Variants in KIF25 observed in about 807,000 individuals in gnomAD.
KIF25 encodes kinesin family member 25, also known as kinesin-like protein KIF25.
A neutral mutation model predicts 32.9 loss-of-function variants in KIF25; 19 were observed. The observed-to-expected ratio is 0.58, with a 90% CI of 0.40 to 0.85. The LOEUF is 0.85. KIF25 is among the 40% of genes least tolerant of loss of function. The pLI, the probability that KIF25 is intolerant of heterozygous loss-of-function variation, is 0.00. For synonymous variants in KIF25, 225 were observed against 213.7 expected (o/e 1.05, Z -0.46); for missense variants, 485 against 507.0 (o/e 0.96, Z 0.42).
chr6:168,025,170 A>C (rs918341340), intron 5 of KIF25, among the ~76,000 whole-genome samples: 2 of 152,356 alleles, frequency 1.3e-5, no homozygotes, highest in Admixed American at 6.5e-5. Flanking sequence ...TGGGACAGGC[A>C]TCCCAACAAA....
Position 168,033,894 on chromosome 6 carries a change from T to A in KIF25, c.180T>A (p.Cys60Ter), listed in dbSNP as rs1798976473. The change falls in exon 8 of 13, where the codon TGT (cysteine) becomes TGA (stop). Residue 60 changes from cysteine to a stop codon, truncating the protein, a stop_gained. Coordinates refer to ENST00000643607, the MANE Select transcript of KIF25 (RefSeq NM_030615.4). LOFTEE classifies it high-confidence loss of function. ...CTCTGAATTTTAGGTACAATGTTTG[T>A]GTTATGGCGTATGGACAGACGGGCA... ...LTSLLDGYNV[C>*]VMAYGQTGSG... is the part of the protein sequence containing the mutation. 1 of 1,613,966 alleles carries A rather than the reference T, an allele frequency of 6.2e-7. No homozygotes were observed. Among genetic ancestry groups the A allele is most frequent in the Non-Finnish European group, 8.5e-7 (1 of 1,179,828 alleles).
At position 168,042,671 on chromosome 6, in the gene KIF25, C is replaced by G; in HGVS notation, c.940C>G (p.Pro314Ala). ...TTTGTTGGAGCACCGTGGCCATGCC[C>G]CGTACCGGAACAGCAGGCTCACCCA... Reference protein sequence around the residue: ...GALLEHRGHAPYRNSRLTHLL... With the variant: ...GALLEHRGHAAYRNSRLTHLL... Residue 314 changes from proline (P) to alanine (A), a missense_variant, in exon 12 of 13, where the codon CCG becomes GCG. Physicochemically the swap from Pro to Ala is conservative, Grantham distance 27 (BLOSUM62 -1). This residue lies in a region of KIF25 where 480 missense variants were observed against 470.3 expected (regional missense o/e 1.02). Transcript: ENST00000643607. The G allele has an allele frequency of 6.2e-7, 1 of 1,613,468 alleles. No individual in the cohort carries two copies. The highest frequency in any genetic ancestry group is 8.5e-7 in the Non-Finnish European group (1 of 1,180,010).
At position 168,033,946 on chromosome 6, in the gene KIF25, C is replaced by T. The variant is rs1367288232; in HGVS notation, c.232C>T (p.Arg78Cys). ...GSGKSYTMLG[R>C]HSDDGPVLPL... ...CGGAAAGAGCTATACCATGCTGGGA[C>T]GCCATTCGGACGACGGCCCTGTTCT... The change falls in exon 8 of 13, where the codon CGC (arginine) becomes TGC (cysteine). Residue 78 changes from arginine to cysteine, a missense_variant. Arg to Cys is a radical substitution (Grantham distance 180). Around this residue, in one of 2 missense-constraint regions of KIF25, gnomAD observed 480 missense variants for 470.3 expected, o/e 1.02. Coordinates refer to ENST00000643607, the MANE Select transcript of KIF25 (RefSeq NM_030615.4). The T allele has an allele frequency of 9.9e-6, 16 of 1,614,130 alleles. No individual in the cohort carries two copies. The highest frequency in any genetic ancestry group is 6.7e-5 in the East Asian group (3 of 44,882).
chr6:168,027,623 G>T (rs1459390487), intron 5 of KIF25, among the ~76,000 whole-genome samples: 1 of 152,142 alleles, frequency 6.6e-6, no homozygotes, highest in Non-Finnish European at 1.5e-5. Context: ...GGTGCTGGGG[G>T]TGCCAGGTCC....
At chr6:168,028,613 C>T (rs78153199) in intron 5 of KIF25, among the ~76,000 whole-genome samples, 2,609 of 152,162 alleles carry the variant, frequency 0.017, 58 homozygotes, top group East Asian at 0.078. Context: ...AACTTTGGAG[C>T]TCCAGGAAAA....
At chr6:168,003,255 T>TA (rs1798531342) in intron 3 of KIF25, among the ~76,000 whole-genome samples, 1 of 150,080 alleles carries the variant, frequency 6.7e-6, no homozygotes, top group African/African-American at 2.5e-5. Flanking sequence ...GGTATTGGAG[T>TA]AAAAAAATCA....
At position 168,042,689 on chromosome 6, in the gene KIF25, C is replaced by A; in HGVS notation, c.958C>A (p.Leu320Ile). ...RGHAPYRNSRLTHLLQDCLGG... is the reference protein window; with the variant it reads ...RGHAPYRNSRITHLLQDCLGG... ...CCATGCCCCGTACCGGAACAGCAGG[C>A]TCACCCACCTCCTTCAGGACTGCCT... Residue 320 changes from leucine to isoleucine, a missense_variant, in exon 12 of 13, where the codon CTC (leucine) becomes ATC (isoleucine). Around this residue, in one of 2 missense-constraint regions of KIF25, gnomAD observed 480 missense variants for 470.3 expected, o/e 1.02. Transcript: ENST00000643607. 1 of 1,612,770 alleles carries A rather than the reference C, an allele frequency of 6.2e-7. No individual in the cohort carries two copies.
At chr6:168,044,352 G>A (rs1248453531) in intron 12 of KIF25, among the ~76,000 whole-genome samples, 1 of 105,692 alleles carries the variant, frequency 9.5e-6, no homozygotes, top group Admixed American at 9.3e-5. Context: ...GCTAGTGACC[G>A]GCTGCTGACC....
intron 9 of KIF25, among the ~76,000 whole-genome samples, chr6:168,039,464 TC>T (rs754629678): frequency 1.3e-5 from 2 of 152,156 alleles, no homozygotes; most frequent in Admixed American, 6.5e-5. Flanking sequence ...GAAGGAACCC[TC>T]CCCATGAGTG....
chr6:168,017,052 C>G (rs1583131211), intron 4 of KIF25, among the ~76,000 whole-genome samples: 1 of 152,264 alleles, frequency 6.6e-6, no homozygotes, highest in Non-Finnish European at 1.5e-5. Flanking sequence ...AATCCAGAGG[C>G]AGCAATAGTC....
chr6:168,015,091 A>C, intron 4 of KIF25, among the ~76,000 whole-genome samples: 1 of 152,202 alleles, frequency 6.6e-6, no homozygotes, highest in East Asian at 1.9e-4. Flanking sequence ...TCCTTAATAC[A>C]TTACTTGTTC....
In KIF25 at chr6:168,018,385, A is replaced by G. The variant is rs116709944; in HGVS notation, c.-95+345A>G. Among the ~76,000 whole-genome samples the G allele has an allele frequency of 9.9e-3, 1,508 of 152,286 alleles. 31 individuals are homozygous for G. The highest frequency in any genetic ancestry group is 0.035 in the African/African-American group (1,439 of 41,560). On this transcript the variant is annotated intron_variant, in intron 5 of 12. Coordinates refer to ENST00000643607, the MANE Select transcript of KIF25 (RefSeq NM_030615.4). ...TAATGTGTGTGTTCTGGGCACACTT[A>G]AGGCAAGCTAGGCTGAGCTACAATG...
chr6:168,001,679 G>A (rs1246834973), intron 2 of KIF25, among the ~76,000 whole-genome samples: 1 of 129,324 alleles, frequency 7.7e-6, no homozygotes, highest in Non-Finnish European at 1.6e-5. Context: ...AGACACCTGA[G>A]GCGTGGCCTC....
chr6:168,009,676 G>A (rs749085560), intron 4 of KIF25, among the ~76,000 whole-genome samples: 11 of 152,054 alleles, frequency 7.2e-5, no homozygotes, highest in Admixed American at 1.3e-4. Context: ...AGGTTTGGTC[G>A]AATTTAGTAG....
intron 6 of KIF25, 145 bp downstream of exon 6, chr6:168,029,822 C>A: frequency 3.9e-6 from 4 of 1,036,546 alleles, no homozygotes; most frequent in Non-Finnish European, 5.5e-6. Context: ...CCCTGAGCAT[C>A]TTCCCACACA....
At chr6:168,016,729 CA>C (rs1201723593) in intron 4 of KIF25, among the ~76,000 whole-genome samples, 1 of 152,246 alleles carries the variant, frequency 6.6e-6, no homozygotes, top group African/African-American at 2.4e-5. Context: ...ATTTCTACAG[CA>C]ACAACATAAA....
At chr6:168,016,531 G>C (rs1440209451) in intron 4 of KIF25, among the ~76,000 whole-genome samples, 1 of 152,158 alleles carries the variant, frequency 6.6e-6, no homozygotes, top group African/African-American at 2.4e-5. Flanking sequence ...CAGGAAATTG[G>C]ATACAAATCA....
intron 6 of KIF25, 61 bp from the exon 7 acceptor site, chr6:168,030,712 T>C (rs1344430117): frequency 7.3e-7 from 1 of 1,362,138 alleles, no homozygotes; most frequent in East Asian, 2.3e-5. Flanking sequence ...TTTCTGAGTC[T>C]GCATGCTAGA....
rs1799129898 is a variant in KIF25 at position 168,042,063 on chromosome 6, A to C, written c.741A>C (p.Pro247=). Residue 247 remains proline (P), a synonymous_variant, in exon 11 of 13, where the codon CCA becomes CCC. Transcript: ENST00000643607. The part of the protein sequence containing the change: ...SRRASQGALA[P]QLVPGNPAGH... Reference sequence around the variant, plus strand: ...GAGCTTCTCAAGGGGCCTTGGCTCCACAGCTGGTTCCTGGGAACCCCGCAG... The same window carrying C: ...GAGCTTCTCAAGGGGCCTTGGCTCCCCAGCTGGTTCCTGGGAACCCCGCAG... 1 of 1,551,374 alleles carries C rather than the reference A, an allele frequency of 6.4e-7. No individual in the cohort carries two copies.
Sources: allele counts gnomAD v4.1 joint callset (sites outside exome capture counted in the v4.1 genomes callset), GRCh38; gene constraint gnomAD v4.1.1; regional missense constraint gnomAD v4.1.1; transcripts MANE v1.5; gene names NCBI Gene and HGNC (gene_info 2026-07-23, HGNC 2026-07-21).